The following TOPBP1 variants were observed in gnomAD, a reference collection of about 807,000 sequenced individuals.
The protein encoded by TOPBP1 is DNA topoisomerase 2-binding protein 1.
In TOPBP1, 28 loss-of-function variants were observed where a neutral mutation model predicts 167.7. The observed-to-expected ratio is 0.17, with a 90% CI of 0.12 to 0.23. The LOEUF is 0.23. Ranked by LOEUF, TOPBP1 falls within the 10% of genes least tolerant of loss-of-function variation. TOPBP1 has a pLI of 1.00. For missense variants in TOPBP1, 1,554 were observed against 1,809.6 expected (o/e 0.86, Z 2.56); for synonymous variants, 598 against 611.4 (o/e 0.98, Z 0.32).
chr3:133,615,307 TAAAAATAC>T (rs1157693473), intron 23 of TOPBP1, among the ~76,000 whole-genome samples: 2 of 152,004 alleles, frequency 1.3e-5, no homozygotes, highest in Non-Finnish European at 2.9e-5. Flanking sequence ...CTGTCTTTAC[TAAAAATAC>T]AAAAATACAA....
chr3:133,644,425 C>G, intron 10 of TOPBP1, 62 bp from the exon 11 acceptor site: 2 of 1,381,724 alleles, frequency 1.4e-6, no homozygotes, highest in Non-Finnish European at 1.9e-6. Flanking sequence ...TACTTCCTAG[C>G]AAGGATATTA....
chr3:133,637,949 G>A lies in TOPBP1; in HGVS notation c.2447C>T (p.Pro816Leu). Reference protein sequence around the residue: ...PAVGQPLQKEPSLHLDTPSKF... With the variant: ...PAVGQPLQKELSLHLDTPSKF... ...TGATGGTGTATCCAGGTGTAACGAG[G>A]GCTCCTTCTGAAGTGGTTGTCCTAC... The change falls in exon 14 of 28, where the codon CCC (proline) becomes CTC (leucine). Residue 816 changes from proline to leucine, a missense_variant. This residue lies in a region of TOPBP1 where 1,197 missense variants were observed against 1,351.5 expected (regional missense o/e 0.89). Transcript: ENST00000260810. The A allele has an allele frequency of 6.2e-7, 1 of 1,613,950 alleles. No individual in the cohort carries two copies. The highest frequency in any genetic ancestry group is 8.5e-7 in the Non-Finnish European group (1 of 1,179,874).
chr3:133,615,291 G>A (rs1934828194), intron 23 of TOPBP1, among the ~76,000 whole-genome samples: 1 of 152,062 alleles, frequency 6.6e-6, no homozygotes, highest in African/African-American at 2.4e-5. Flanking sequence ...CCAACATGGT[G>A]AAACCCTGTC....
intron 21 of TOPBP1, 65 bp downstream of exon 21, chr3:133,618,148 T>C (rs1265640794): frequency 3.0e-6 from 4 of 1,342,674 alleles, no homozygotes; most frequent in Non-Finnish European, 4.2e-6. Context: ...CATGCTCATC[T>C]GTTTATTTTT....
chr3:133,620,298 C>T lies in TOPBP1; in HGVS notation c.3228G>A (p.Gln1076=). 1 of 1,613,976 alleles carries T rather than the reference C, an allele frequency of 6.2e-7. No individual in the cohort carries two copies. The highest frequency in any genetic ancestry group is 8.5e-7 in the Non-Finnish European group (1 of 1,179,890). ...CTATTGATGTTGCAGACATTATCTCCTGTAACTGCTTCTGAAAGTTCTCTC... is the reference window on the plus strand; with the variant it reads ...CTATTGATGTTGCAGACATTATCTCTTGTAACTGCTTCTGAAAGTTCTCTC... ...EMRENFQKQL[Q]EIMSATSIVK... The change falls in exon 20 of 28, where the codon CAG becomes CAA. Residue 1076 remains glutamine, a synonymous_variant. Transcript: ENST00000260810.
Position 133,645,535 on chromosome 3 carries a change from C to A in TOPBP1, c.1505-1172G>T, listed in dbSNP as rs540811782. 3.3e-5 allele frequency among the ~76,000 whole-genome samples: 5 copies of A among 152,080 alleles called. No homozygotes were observed. In the East Asian group the frequency reaches 9.6e-4, roughly 29 times the overall value. ...GTAAAGTTTGTTTTATAAGTAAAAACCTTCTTATTTTTTGCAAGTACAATT... is the reference window on the plus strand; with the variant it reads ...GTAAAGTTTGTTTTATAAGTAAAAAACTTCTTATTTTTTGCAAGTACAATT... On this transcript the variant is annotated intron_variant, in intron 10 of 27. Transcript: ENST00000260810.
chr3:133,654,054 T>C (rs1936395418), intron 6 of TOPBP1, among the ~76,000 whole-genome samples: 1 of 152,254 alleles, frequency 6.6e-6, no homozygotes, highest in Non-Finnish European at 1.5e-5. Context: ...ATATTTTCTA[T>C]GTGTAGTATA....
rs1936730327 is a variant in TOPBP1 at position 133,661,803 on chromosome 3, C to T, written c.-42G>A. The T allele has an allele frequency of 6.6e-6, 1 of 151,644 alleles. No homozygotes were observed. Among genetic ancestry groups the T allele is most frequent in the South Asian group, 2.2e-4 (1 of 4,614 alleles). The allele number at this position is 151,644 out of a possible 1,614,324, so 9.4% of individuals were successfully genotyped here. ...GCCTCGGGGTCTCCGGGCGGCGAGT[C>T]GGGGGACGCGCTGGCCGCAGGGCGG... On this transcript the variant is annotated 5_prime_UTR_variant, in exon 1 of 28. Transcript: ENST00000260810.
chr3:133,657,990 A>G (rs1936538812), intron 3 of TOPBP1, 49 bp from the exon 4 acceptor site: 1 of 1,401,750 alleles, frequency 7.1e-7, no homozygotes, highest in East Asian at 2.7e-5. Context: ...AAAGACCACC[A>G]GTCTTACAAA....
chr3:133,617,190 G>T lies in TOPBP1; in HGVS notation c.3729C>A (p.Asn1243Lys), dbSNP rs984613236. 1 of 1,613,240 alleles carries T rather than the reference G, an allele frequency of 6.2e-7. No homozygotes were observed. Among genetic ancestry groups the T allele is most frequent in the Non-Finnish European group, 8.5e-7 (1 of 1,179,694 alleles). ...QAPSIAFPLA[N>K]PPVAPHPREK... ...CTCTAGGGTGCGGAGCCACAGGGGG[G>T]TTGGCGAGTGGAAAGGCAATACTGG... Residue 1243 changes from asparagine to lysine, a missense_variant, in exon 22 of 28, where the codon AAC (asparagine) becomes AAA (lysine). Physicochemically the swap from Asn to Lys is moderately conservative, Grantham distance 94. This residue lies in a region of TOPBP1 where 351 missense variants were observed against 432.9 expected (regional missense o/e 0.81). Transcript: ENST00000260810.
intron 14 of TOPBP1, among the ~76,000 whole-genome samples, chr3:133,630,994 C>A (rs574240767): frequency 6.6e-6 from 1 of 152,256 alleles, no homozygotes; most frequent in South Asian, 2.1e-4. Context: ...GAGTTCTAGA[C>A]CAGCCTGAGC....
intron 8 of TOPBP1, 114 bp downstream of exon 8, chr3:133,652,348 TG>T: frequency 9.3e-7 from 1 of 1,076,656 alleles, no homozygotes; most frequent in Non-Finnish European, 1.3e-6. Context: ...TTAGCTAGAG[TG>T]GAGGGTTTAC....
intron 19 of TOPBP1, 105 bp from the exon 20 acceptor site, chr3:133,620,452 TGACA>T: frequency 9.1e-7 from 1 of 1,095,990 alleles, no homozygotes; most frequent in South Asian, 1.6e-5. Flanking sequence ...CTTATTGACT[TGACA>T]TTTACTGAAT....
intron 27 of TOPBP1, among the ~76,000 whole-genome samples, chr3:133,607,818 A>G (rs1934540617): frequency 6.6e-6 from 1 of 152,232 alleles, no homozygotes; most frequent in Admixed American, 6.5e-5. Context: ...GATACTAATC[A>G]GTATGCCCTC....
chr3:133,601,029 G>T lies in TOPBP1; in HGVS notation c.*221C>A, dbSNP rs1934273974. The T allele has an allele frequency of 2.9e-6, 1 of 349,562 alleles. No individual in the cohort carries two copies. The allele number at this position is 349,562 out of a possible 1,614,324, so 21.7% of individuals were successfully genotyped here. On this transcript the variant is annotated 3_prime_UTR_variant, in exon 28 of 28. Transcript: ENST00000260810. ...TTAACAGCAAGCTAGCTGAGGAGTT[G>T]TATTTTGTTGTTATTTCAGGTAACT...
intron 3 of TOPBP1, among the ~76,000 whole-genome samples, chr3:133,658,443 G>A (rs527725232): frequency 6.6e-6 from 1 of 151,836 alleles, no homozygotes; most frequent in Non-Finnish European, 1.5e-5. Context: ...CTCCAGCCTG[G>A]GCGACAGAGT....
intron 8 of TOPBP1, 79 bp downstream of exon 8, chr3:133,652,384 C>T: frequency 6.6e-7 from 1 of 1,508,444 alleles, no homozygotes. Flanking sequence ...GCAAGCCCAA[C>T]TCTGAAGGGT....
chr3:133,614,901 C>T (rs1170659723), intron 23 of TOPBP1, among the ~76,000 whole-genome samples: 2 of 151,800 alleles, frequency 1.3e-5, no homozygotes, highest in East Asian at 3.9e-4. Context: ...GGGAGCAGCA[C>T]ACCAACATGG....
rs542543909 is a variant in TOPBP1, at chr3:133,652,086, TG to T, written c.1089+376del. Reference sequence around the variant, plus strand: ...TCAAGGTTACAGGAAGTTATGATTGTGCCACTGCATCCCAGCCTGGGCAACA... The same window carrying T: ...TCAAGGTTACAGGAAGTTATGATTGTCCACTGCATCCCAGCCTGGGCAACA... On this transcript the variant is annotated intron_variant, in intron 8 of 27. Coordinates refer to ENST00000260810, the MANE Select transcript of TOPBP1 (RefSeq NM_007027.4). 5.0e-4 allele frequency among the ~76,000 whole-genome samples: 76 copies of T among 151,828 alleles called. 1 individual carries two copies. The South Asian group carries it at 0.015, about 31-fold the overall frequency.
Sources: allele counts gnomAD v4.1 joint callset (sites outside exome capture counted in the v4.1 genomes callset), GRCh38; gene constraint gnomAD v4.1.1; regional missense constraint gnomAD v4.1.1; transcripts MANE v1.5; gene names NCBI Gene and HGNC (gene_info 2026-07-23, HGNC 2026-07-21).